ARHGEF17: variants seen among roughly 807,000 people sequenced by gnomAD.
ARHGEF17 encodes Rho guanine nucleotide exchange factor 17, also known as 164 kDa Rho-specific guanine-nucleotide exchange factor.
ARHGEF17 carries 80 observed loss-of-function variants against 174.0 expected under a neutral mutation model. That is an observed-to-expected ratio of 0.46 (90% CI 0.38 to 0.55). The LOEUF is 0.55. Ranked by LOEUF, ARHGEF17 falls within the 20% of genes least tolerant of loss-of-function variation. The pLI, the probability that ARHGEF17 is intolerant of heterozygous loss-of-function variation, is 0.00. For synonymous variants in ARHGEF17, 1,311 were observed against 1,189.1 expected, an observed-to-expected ratio of 1.10 and a Z score of -2.11; for missense variants, 2,886 against 2,839.7, an observed-to-expected ratio of 1.02 and a Z score of -0.37.
At chr11:73,363,639 A>T (rs1865786345) in intron 15 of ARHGEF17, 108 bp from the exon 16 acceptor site, 3 of 1,508,580 alleles carry the variant, frequency 2.0e-6, no homozygotes, top group African/African-American at 2.7e-5. Context: ...TACCTTGGGC[A>T]GGCACCCAGC....
At chr11:73,355,806 G>T in intron 4 of ARHGEF17, 55 bp from the exon 5 acceptor site, 1 of 1,608,496 alleles carries the variant, frequency 6.2e-7, no homozygotes, top group South Asian at 1.1e-5. Context: ...CCTGTCCCTG[G>T]ACATAGTCTT....
rs543009935 is a variant in ARHGEF17 at position 73,321,883 on chromosome 11, C to G, written c.3192+10053C>G. Among the ~76,000 whole-genome samples, 5 of 152,224 alleles carry G rather than the reference C, an allele frequency of 3.3e-5. No individual in the cohort carries two copies. In the East Asian group the frequency reaches 9.7e-4, roughly 29 times the overall value. On this transcript the variant is annotated intron_variant, in intron 1 of 20. Transcript: ENST00000263674. ...GGGGCAGTGTGATGGAGGGGCCAGC[C>G]GAGGGAGCAAGCACAAGGTTGGTGT...
chr11:73,366,912 C>A (rs575823801), intron 20 of ARHGEF17, among the ~76,000 whole-genome samples: 1 of 152,034 alleles, frequency 6.6e-6, no homozygotes, highest in Non-Finnish European at 1.5e-5. Context: ...TGGTGGCGGG[C>A]GCCTGTAATC....
chr11:73,319,860 G>C (rs1217084184), intron 1 of ARHGEF17, among the ~76,000 whole-genome samples: 2 of 152,188 alleles, frequency 1.3e-5, no homozygotes, highest in East Asian at 3.9e-4. Context: ...GGGCAGAAGT[G>C]CCAATGTGTT....
At chr11:73,366,658 C>G (rs530594574) in intron 20 of ARHGEF17, among the ~76,000 whole-genome samples, 1 of 152,122 alleles carries the variant, frequency 6.6e-6, no homozygotes, top group South Asian at 2.1e-4. Context: ...TCACTTGAGC[C>G]CAGGGAAGTC....
chr11:73,355,629 G>A lies in ARHGEF17; in HGVS notation c.3550G>A (p.Ala1184Thr), dbSNP rs764319314. Residue 1184 changes from alanine (A) to threonine (T), a missense_variant, in exon 4 of 21, where the codon GCC becomes ACC. Transcript: ENST00000263674. ...GCGTGTGGCCAAGGAGGCGAGGCCT[G>A]CCTTTCTCAAGTTCCTAGAGGTACT... ...AVRVAKEARP[A>T]FLKFLEQSMR... 6.2e-7 allele frequency: 1 copy of A among 1,614,042 alleles called. No homozygotes were observed. The highest frequency in any genetic ancestry group is 2.2e-5 in the East Asian group (1 of 44,894).
At chr11:73,348,862 C>T (rs1220425598) in intron 2 of ARHGEF17, among the ~76,000 whole-genome samples, 3 of 152,054 alleles carry the variant, frequency 2.0e-5, no homozygotes, top group East Asian at 1.9e-4. Context: ...ACCCTGGTGT[C>T]GGGGTCAGGG....
chr11:73,311,181 A>C lies in ARHGEF17; in HGVS notation c.2543A>C (p.Glu848Ala). Residue 848 changes from glutamate to alanine, a missense_variant, in exon 1 of 21, where the codon GAG (glutamate) becomes GCG (alanine). By Grantham distance (107) the Glu-to-Ala change is moderately radical (BLOSUM62 -1). This residue lies in a region of ARHGEF17 where 1,728 missense variants were observed against 1,461.2 expected (regional missense o/e 1.18). Coordinates refer to ENST00000263674, the MANE Select transcript of ARHGEF17 (RefSeq NM_014786.4). Reference sequence around the variant, plus strand: ...CCTGGATTCGAGGGCCCTGGAGGGGAGCCCATCCGAGAAGTTGAGCCCATG... The same window carrying C: ...CCTGGATTCGAGGGCCCTGGAGGGGCGCCCATCCGAGAAGTTGAGCCCATG... ...AGPGFEGPGG[E>A]PIREVEPMLP... 1 of 1,595,546 alleles carries C rather than the reference A, an allele frequency of 6.3e-7. No individual in the cohort carries two copies. Among genetic ancestry groups the C allele is most frequent in the East Asian group, 2.2e-5 (1 of 44,542 alleles).
At chr11:73,357,457 C>A in intron 9 of ARHGEF17, 130 bp downstream of exon 9, 2 of 807,480 alleles carry the variant, frequency 2.5e-6, no homozygotes, top group Non-Finnish European at 2.0e-6. Context: ...CTCTCTCATC[C>A]AGTGCAAGGG....
At chr11:73,342,893 C>G (rs1235801846) in intron 1 of ARHGEF17, 1 of 157,428 alleles carries the variant, frequency 6.4e-6, no homozygotes, top group Non-Finnish European at 1.4e-5. Context: ...CTCCCCACAA[C>G]GGGGCCGCGC....
chr11:73,310,519 C>T lies in ARHGEF17; in HGVS notation c.1881C>T (p.Thr627=). 1 of 1,613,940 alleles carries T rather than the reference C, an allele frequency of 6.2e-7. No homozygotes were observed. The highest frequency in any genetic ancestry group is 1.6e-4 in the Middle Eastern group (1 of 6,062). ...PGSPDWAGDV[T]RGQRSQEELS... ...GCCCTGACTGGGCAGGGGATGTGAC[C>T]CGAGGGCAGCGGTCCCAGGAGGAGC... Residue 627 remains threonine, a synonymous_variant, in exon 1 of 21, where the codon ACC becomes ACT. Coordinates refer to ENST00000263674, the MANE Select transcript of ARHGEF17 (RefSeq NM_014786.4).
Position 73,369,012 on chromosome 11 carries a change from G to A in ARHGEF17, c.*1232G>A, listed in dbSNP as rs1025825447. On this transcript the variant is annotated 3_prime_UTR_variant, in exon 21 of 21. Transcript: ENST00000263674. Reference sequence around the variant, plus strand: ...TGCGGTCTTAGATTATGTTTCTCTTGCTACCAAACAGTCATGTATTAACTC... The same window carrying A: ...TGCGGTCTTAGATTATGTTTCTCTTACTACCAAACAGTCATGTATTAACTC... 9 of 152,512 alleles carry A rather than the reference G, an allele frequency of 5.9e-5. No individual in the cohort carries two copies. The highest frequency in any genetic ancestry group is 1.3e-4 in the Non-Finnish European group (9 of 68,038). 9.4% of individuals were successfully genotyped at this position (152,512 alleles called of 1,614,324 possible).
Position 73,338,872 on chromosome 11 carries a change from A to C in ARHGEF17, c.3193-8011A>C, listed in dbSNP as rs985190940. 2.0e-5 allele frequency among the ~76,000 whole-genome samples: 3 copies of C among 152,070 alleles called. No individual in the cohort carries two copies. In the East Asian group the frequency reaches 5.8e-4, roughly 29 times the overall value. ...TTCCTAGTTTGTAAGAAGGGAGAGT[A>C]ATAATAATAGAGTTCTTGATGTGGG... On this transcript the variant is annotated intron_variant, in intron 1 of 20. Coordinates refer to ENST00000263674, the MANE Select transcript of ARHGEF17 (RefSeq NM_014786.4).
At chr11:73,322,160 A>G (rs1047658156) in intron 1 of ARHGEF17, among the ~76,000 whole-genome samples, 3 of 152,198 alleles carry the variant, frequency 2.0e-5, no homozygotes, top group East Asian at 1.9e-4. Context: ...CCTTCCCCCA[A>G]TAAAGGTCCC....
At chr11:73,319,619 G>A (rs529465256) in intron 1 of ARHGEF17, among the ~76,000 whole-genome samples, 13 of 152,312 alleles carry the variant, frequency 8.5e-5, no homozygotes, top group South Asian at 2.1e-4. Context: ...TGCTGGTCCC[G>A]GGGCAGAACC....
In ARHGEF17 at chr11:73,360,478, C is replaced by T. The variant is rs776577499; in HGVS notation, c.4365C>T (p.His1455=). The T allele has an allele frequency of 3.7e-6, 6 of 1,613,954 alleles. No homozygotes were observed. The highest frequency in any genetic ancestry group is 1.3e-5 in the African/African-American group (1 of 74,946). Residue 1455 remains histidine (H), a synonymous_variant, in exon 11 of 21, where the codon CAC becomes CAT. Coordinates refer to ENST00000263674, the MANE Select transcript of ARHGEF17 (RefSeq NM_014786.4). ...GTDSYIFEFP[H]PDARLGFEQA... The stretch of plus-strand genomic sequence containing the variant: ...ACTCCTACATTTTTGAGTTCCCTCA[C>T]CCTGACGCCCGCCTTGGTTTTGAAC...
At chr11:73,331,069 G>A (rs1194872483) in intron 1 of ARHGEF17, among the ~76,000 whole-genome samples, 2 of 152,156 alleles carry the variant, frequency 1.3e-5, no homozygotes, top group Non-Finnish European at 2.9e-5. Flanking sequence ...TCTCCCTACC[G>A]TGAGGCAGGC....
rs745662326 is a variant in ARHGEF17 at position 73,310,424 on chromosome 11, C to A, written c.1786C>A (p.Arg596Ser). The change falls in exon 1 of 21, where the codon CGC becomes AGC. Residue 596 changes from arginine to serine, a missense_variant. By Grantham distance (110) the Arg-to-Ser change is moderately radical (BLOSUM62 -1). Transcript: ENST00000263674. ...IVQDQYVQEA[R>S]QVFEKIQRMG... ...CCAGGACCAATATGTGCAGGAGGCC[C>A]GCCAGGTTTTTGAGAAGATCCAGCG... 1 of 1,613,978 alleles carries A rather than the reference C, an allele frequency of 6.2e-7. No homozygotes were observed. Among genetic ancestry groups the A allele is most frequent in the Non-Finnish European group, 8.5e-7 (1 of 1,180,034 alleles).
Position 73,308,933 on chromosome 11 carries a change from G to A in ARHGEF17, c.295G>A (p.Ala99Thr). The change falls in exon 1 of 21, where the codon GCT becomes ACT. Residue 99 changes from alanine (A) to threonine (T), a missense_variant. Transcript: ENST00000263674. Reference protein sequence around the residue: ...FDAPRLDDGSAGTRDGGVLPA... With the variant: ...FDAPRLDDGSTGTRDGGVLPA... ...CGCGCCGCGTCTGGACGACGGCTCC[G>A]CTGGGACCCGAGACGGAGGCGTCTT... The A allele has an allele frequency of 7.3e-7, 1 of 1,362,292 alleles. No homozygotes were observed. Among genetic ancestry groups the A allele is most frequent in the Non-Finnish European group, 9.4e-7 (1 of 1,063,742 alleles). The allele number at this position is 1,362,292 out of a possible 1,614,324, so 84.4% of individuals were successfully genotyped here. A position where few individuals can be genotyped will look rare whatever the true frequency, so the allele number is the denominator to read the frequency against.
Sources: allele counts gnomAD v4.1 joint callset (sites outside exome capture counted in the v4.1 genomes callset), GRCh38; gene constraint gnomAD v4.1.1; regional missense constraint gnomAD v4.1.1; transcripts MANE v1.5; gene names NCBI Gene and HGNC (gene_info 2026-07-23, HGNC 2026-07-21).